Variants in EHMT1 observed in about 807,000 individuals in gnomAD.
EHMT1 encodes euchromatic histone lysine methyltransferase 1, also known as histone-lysine N-methyltransferase EHMT1.
A neutral mutation model predicts 147.2 loss-of-function variants in EHMT1; 15 were observed. The ratio of observed to expected loss-of-function variants is 0.10; its 90% confidence interval spans 0.07 to 0.16. EHMT1 has a LOEUF of 0.16. EHMT1 is among the 10% of genes least tolerant of loss of function. The pLI, the probability that EHMT1 is intolerant of heterozygous loss-of-function variation, is 1.00. For missense variants in EHMT1, 1,587 were observed against 1,772.4 expected (o/e 0.90, Z 1.88); for synonymous variants, 795 against 709.6 (o/e 1.12, Z -1.91).
intron 1 of EHMT1, among the ~76,000 whole-genome samples, chr9:137,664,313 A>C (rs960438741): frequency 6.8e-6 from 1 of 147,960 alleles, no homozygotes; most frequent in Admixed American, 6.8e-5. Flanking sequence ...TTCTTTTGAG[A>C]CTGAGTCGTG....
At chr9:137,770,020 A>T (rs1950491145) in intron 10 of EHMT1, among the ~76,000 whole-genome samples, 1 of 152,106 alleles carries the variant, frequency 6.6e-6, no homozygotes, top group African/African-American at 2.4e-5. Flanking sequence ...TATTTTTAGT[A>T]GAGACAGGGT....
intron 16 of EHMT1, among the ~76,000 whole-genome samples, chr9:137,795,425 A>T (rs1327293959): frequency 1.3e-4 from 2 of 15,290 alleles, no homozygotes; most frequent in African/African-American, 3.0e-4. Context: ...ACACACACAC[A>T]CACTCTCACA....
intron 1 of EHMT1, among the ~76,000 whole-genome samples, chr9:137,701,491 T>C (rs1943820432): frequency 6.6e-6 from 1 of 151,710 alleles, no homozygotes; most frequent in Non-Finnish European, 1.5e-5. Flanking sequence ...GCAGTTTTGC[T>C]CTTGTCGCCC....
chr9:137,805,011 A>G (rs1953813316), intron 18 of EHMT1, among the ~76,000 whole-genome samples: 2 of 151,258 alleles, frequency 1.3e-5, no homozygotes, highest in Admixed American at 6.6e-5. Context: ...TCAGTTGTCC[A>G]TGTGTGAGTC....
Position 137,744,080 on chromosome 9 carries a change from G to A in EHMT1, c.1160G>A (p.Arg387His), listed in dbSNP as rs776502547. ...TSKESMSEAD[R>H]AQKMDGESEE... ...AAGGAGAGCATGTCGGAGGCTGATC[G>A]CGCCCAGAAGGTATGTGTTGCTGTC... Residue 387 changes from arginine to histidine, a missense_variant, in exon 6 of 27, where the codon CGC (arginine) becomes CAC (histidine). Coordinates refer to ENST00000460843, the MANE Select transcript of EHMT1 (RefSeq NM_024757.5). 54 of 1,613,960 alleles carry A rather than the reference G, an allele frequency of 3.3e-5. No homozygotes were observed. The Middle Eastern group carries it at 6.6e-4, about 20-fold the overall frequency.
Position 137,775,509 on chromosome 9 carries a change from G to A in EHMT1, c.1791+257G>A, listed in dbSNP as rs1463107008. Among the ~76,000 whole-genome samples, 2 of 151,874 alleles carry A rather than the reference G, an allele frequency of 1.3e-5. No homozygotes were observed. Among genetic ancestry groups the A allele is most frequent in the South Asian group, 2.1e-4 (1 of 4,810 alleles). On this transcript the variant is annotated intron_variant, in intron 11 of 26. Coordinates refer to ENST00000460843, the MANE Select transcript of EHMT1 (RefSeq NM_024757.5). The surrounding 1 kb of genome is among the most constrained non-coding windows in gnomAD (Gnocchi z 6.1). ...CGCTTTTGGAGATGACTAGGACGGT[G>A]TGACCTGGGCTTCCAGGCCAGAGGA... is the stretch of plus-strand genomic sequence containing the variant.
chr9:137,661,563 G>A (rs1376719637), intron 1 of EHMT1, among the ~76,000 whole-genome samples: 1 of 147,106 alleles, frequency 6.8e-6, no homozygotes, highest in East Asian at 2.0e-4. Flanking sequence ...TCGGCTCACT[G>A]CAACCTCCAC....
intron 4 of EHMT1, among the ~76,000 whole-genome samples, chr9:137,729,801 A>C (rs1447000320): frequency 1.3e-5 from 2 of 152,086 alleles, no homozygotes; most frequent in African/African-American, 4.8e-5. Flanking sequence ...ATTTCCTAAA[A>C]TTACTGTCCC....
chr9:137,695,090 T>G (rs944738741), intron 1 of EHMT1, among the ~76,000 whole-genome samples: 1 of 152,174 alleles, frequency 6.6e-6, no homozygotes, highest in African/African-American at 2.4e-5. Context: ...TGATGGGAAT[T>G]TGGAGTTTTT....
At chr9:137,796,124 A>T (rs1199562990) in intron 16 of EHMT1, among the ~76,000 whole-genome samples, 1 of 152,188 alleles carries the variant, frequency 6.6e-6, no homozygotes, top group South Asian at 2.1e-4. Context: ...CAACACGAAG[A>T]CGCCAGCCAG....
At chr9:137,743,073 G>A (rs1948241999) in intron 4 of EHMT1, 1 of 402,080 alleles carries the variant, frequency 2.5e-6, no homozygotes, top group Non-Finnish European at 4.7e-6. Flanking sequence ...CCCTGCTACT[G>A]ATGATTTGTG....
In EHMT1 at chr9:137,662,093, C is replaced by T. The variant is rs558165118; in HGVS notation, c.21+43044C>T. Among the ~76,000 whole-genome samples the T allele has an allele frequency of 1.3e-4, 20 of 152,304 alleles. No homozygotes were observed. The East Asian group carries it at 1.7e-3, about 13-fold the overall frequency. On this transcript the variant is annotated intron_variant, in intron 1 of 26. Coordinates refer to ENST00000460843, the MANE Select transcript of EHMT1 (RefSeq NM_024757.5). ...CTGGGATTACAGGCATGAGCCACTG[C>T]GCCTGGCCAAGAAATCTATTAATGG...
At chr9:137,743,613 A>G in intron 5 of EHMT1, 85 bp downstream of exon 5, 2 of 1,590,648 alleles carry the variant, frequency 1.3e-6, no homozygotes, top group Non-Finnish European at 8.6e-7. Flanking sequence ...AATTTGGGTG[A>G]CCTCAGTCCC....
In EHMT1 at chr9:137,730,227, C is replaced by T. The variant is rs575763180; in HGVS notation, c.823+1698C>T. Among the ~76,000 whole-genome samples, 6 of 152,354 alleles carry T rather than the reference C, an allele frequency of 3.9e-5. No individual in the cohort carries two copies. In the South Asian group the frequency reaches 1.0e-3, roughly 26 times the overall value. ...ACTGCTCACCAGACTGCAAGCATGT[C>T]TTGCAGGGAGAGACCCTAAGGTGCT... On this transcript the variant is annotated intron_variant, in intron 4 of 26. Coordinates refer to ENST00000460843, the MANE Select transcript of EHMT1 (RefSeq NM_024757.5).
chr9:137,784,998 TG>T (rs1457548322), intron 15 of EHMT1: 6 of 124,854 alleles, frequency 4.8e-5, no homozygotes, highest in Non-Finnish European at 1.0e-4. Context: ...GGTCAGGGAG[TG>T]GGGGGTGGTC....
chr9:137,623,610 G>A (rs889486414), intron 1 of EHMT1, among the ~76,000 whole-genome samples: 19 of 152,020 alleles, frequency 1.2e-4, no homozygotes, highest in South Asian at 2.1e-4. Context: ...TGGTAGAGAC[G>A]GGGTTTCAAC....
At chr9:137,668,777 C>G (rs898368978) in intron 1 of EHMT1, among the ~76,000 whole-genome samples, 2 of 151,788 alleles carry the variant, frequency 1.3e-5, no homozygotes, top group African/African-American at 2.4e-5. Context: ...CATGAACATT[C>G]ATGTACGAGT....
intron 17 of EHMT1, 44 bp downstream of exon 17, chr9:137,798,958 C>A: frequency 6.8e-7 from 1 of 1,480,114 alleles, no homozygotes; most frequent in Non-Finnish European, 9.4e-7. Flanking sequence ...TGTGGACTGG[C>A]TACGGAAACT....
intron 1 of EHMT1, among the ~76,000 whole-genome samples, chr9:137,689,810 G>A (rs1942779037): frequency 1.3e-5 from 2 of 152,224 alleles, no homozygotes; most frequent in African/African-American, 4.8e-5. Flanking sequence ...GAGATAAGCT[G>A]CATAGACATC....
Sources: gnomAD v4.1 joint callset for allele counts (sites outside exome capture counted in the v4.1 genomes callset) on GRCh38, gnomAD v4.1.1 for gene constraint, Gnocchi (gnomAD v3.1) non-coding constraint, MANE v1.5 for transcripts, NCBI Gene and HGNC (gene_info 2026-07-23, HGNC 2026-07-21) for gene names.